Variants in PAFAH1B2 observed in about 807,000 individuals in gnomAD.
PAFAH1B2 encodes platelet-activating factor acetylhydrolase IB subunit alpha2.
Under a neutral mutation model 28.0 loss-of-function variants are expected in PAFAH1B2, and 8 were observed. That is an observed-to-expected ratio of 0.29 (90% confidence interval 0.17 to 0.52). The LOEUF (loss-of-function observed/expected upper bound fraction) is 0.52. Ranked by LOEUF, PAFAH1B2 falls within the 20% of genes least tolerant of loss-of-function variation. The pLI, the probability that PAFAH1B2 is intolerant of heterozygous loss-of-function variation, is 0.97. For missense variants in PAFAH1B2, 190 were observed against 282.6 expected, an observed-to-expected ratio of 0.67 and a Z score of 2.35; for synonymous variants, 104 against 103.2, an observed-to-expected ratio of 1.01 and a Z score of -0.05.
rs1005026483 is a variant in PAFAH1B2 at position 117,170,359 on chromosome 11, A to G, written c.*2660A>G. 10 of 1,059,754 alleles carry G rather than the reference A, an allele frequency of 9.4e-6. No homozygotes were observed. Among genetic ancestry groups the G allele is most frequent in the African/African-American group, 8.4e-5 (5 of 59,840 alleles). 65.6% of individuals were successfully genotyped at this position (1,059,754 alleles called of 1,614,324 possible). A position where few individuals can be genotyped will look rare whatever the true frequency, so the allele number is the denominator to read the frequency against. On this transcript the variant is annotated 3_prime_UTR_variant, in exon 6 of 6. Coordinates refer to ENST00000527958, the MANE Select transcript of PAFAH1B2 (RefSeq NM_002572.4). ...CGCCCACGCATTCCTGCTATACTAGATGGCAGCCAGTGATGGAACTATAAA... is the reference window on the plus strand; with the variant it reads ...CGCCCACGCATTCCTGCTATACTAGGTGGCAGCCAGTGATGGAACTATAAA...
intron 5 of PAFAH1B2, among the ~76,000 whole-genome samples, chr11:117,166,778 G>C (rs1248255644): frequency 6.6e-6 from 1 of 152,176 alleles, no homozygotes; most frequent in Non-Finnish European, 1.5e-5. Flanking sequence ...AATAGATGAT[G>C]TGTATCTATG....
At chr11:117,149,179 A>C (rs1365612858) in intron 1 of PAFAH1B2, among the ~76,000 whole-genome samples, 2 of 150,820 alleles carry the variant, frequency 1.3e-5, no homozygotes, top group Non-Finnish European at 3.0e-5. Context: ...CACTGCGCCC[A>C]GCCCAAGCAA....
downstream of PAFAH1B2, among the ~76,000 whole-genome samples, chr11:117,177,069 G>C (rs572376266): frequency 6.6e-6 from 1 of 151,590 alleles, no homozygotes; most frequent in African/African-American, 2.4e-5. Context: ...TTAGCTGGGC[G>C]TGGTGGCACA....
Position 117,168,228 on chromosome 11 carries a change from T to C in PAFAH1B2, c.*529T>C, listed in dbSNP as rs562551953. 66 of 1,060,066 alleles carry C rather than the reference T, an allele frequency of 6.2e-5. No individual in the cohort carries two copies. The East Asian group carries it at 2.1e-3, about 34-fold the overall frequency. The allele number at this position is 1,060,066 out of a possible 1,614,324, so 65.7% of individuals were successfully genotyped here. A position where few individuals can be genotyped will look rare whatever the true frequency, so the allele number is the denominator to read the frequency against. On this transcript the variant is annotated 3_prime_UTR_variant, in exon 6 of 6. Coordinates refer to ENST00000527958, the MANE Select transcript of PAFAH1B2 (RefSeq NM_002572.4). ...AGGTTGAACATGCTTGTCATTGATA[T>C]ATGGAAGATGCTATAGTTAGAAGTG...
intron 5 of PAFAH1B2, among the ~76,000 whole-genome samples, chr11:117,167,013 G>T (rs1348715919): frequency 6.6e-6 from 1 of 152,234 alleles, no homozygotes; most frequent in Non-Finnish European, 1.5e-5. Flanking sequence ...TGTGAGACTT[G>T]CAGATGTTGG....
intron 5 of PAFAH1B2, among the ~76,000 whole-genome samples, chr11:117,164,640 T>C (rs945288642): frequency 6.6e-6 from 1 of 152,244 alleles, no homozygotes; most frequent in African/African-American, 2.4e-5. Flanking sequence ...AAATGGATAC[T>C]TTATAGTTGT....
At chr11:117,147,006 C>A (rs771665125) in intron 1 of PAFAH1B2, among the ~76,000 whole-genome samples, 1 of 151,560 alleles carries the variant, frequency 6.6e-6, no homozygotes, top group African/African-American at 2.4e-5. Flanking sequence ...TGGTGGCTCA[C>A]GCCTGTAATC....
intron 1 of PAFAH1B2, among the ~76,000 whole-genome samples, chr11:117,148,045 CTTT>C (rs1046335152): frequency 7.3e-6 from 1 of 136,836 alleles, no homozygotes; most frequent in African/African-American, 2.7e-5. Flanking sequence ...TATCTTTTTT[CTTT>C]TTTTTTTCTT....
In PAFAH1B2 at chr11:117,152,696, G is replaced by A. The variant is rs554908273; in HGVS notation, c.81+168G>A. The stretch of plus-strand genomic sequence containing the variant: ...GCCTCCCATATAGCTGGGACTAGTG[G>A]CACATATCAGTATGCCTGGCTTCTT... On this transcript the variant is annotated intron_variant, in intron 2 of 5. Transcript: ENST00000527958. 1.3e-4 allele frequency among the ~76,000 whole-genome samples: 20 copies of A among 152,270 alleles called. 1 individual carries two copies. In the South Asian group the frequency reaches 3.7e-3, roughly 28 times the overall value.
intron 4 of PAFAH1B2, among the ~76,000 whole-genome samples, chr11:117,162,395 C>G (rs1042042647): frequency 6.6e-6 from 1 of 151,562 alleles, no homozygotes; most frequent in Non-Finnish European, 1.5e-5. Context: ...CCTCCCGCCC[C>G]GGCCTCCTAA....
intron 1 of PAFAH1B2, among the ~76,000 whole-genome samples, chr11:117,146,182 C>T (rs1275554612): frequency 6.7e-6 from 1 of 148,724 alleles, no homozygotes; most frequent in Non-Finnish European, 1.5e-5. Context: ...AGTGCAGTGG[C>T]GCGATCTCTA....
chr11:117,174,843 G>T, downstream of PAFAH1B2: 1 of 1,237,614 alleles, frequency 8.1e-7, no homozygotes, highest in South Asian at 1.4e-5. Context: ...TCAAACTCCT[G>T]ACTTCAGATG....
chr11:117,170,296 T>G lies in PAFAH1B2; in HGVS notation c.*2597T>G, dbSNP rs1591756884. ...CAACTTTCCAGGCAGCTAGCAGAGA[T>G]ACTATTCTCTTCCTCTCCCAGCAAA... On this transcript the variant is annotated 3_prime_UTR_variant, in exon 6 of 6. Coordinates refer to ENST00000527958, the MANE Select transcript of PAFAH1B2 (RefSeq NM_002572.4). 1 of 1,062,340 alleles carries G rather than the reference T, an allele frequency of 9.4e-7. No homozygotes were observed. The highest frequency in any genetic ancestry group is 5.4e-5 in the Admixed American group (1 of 18,458). The allele number at this position is 1,062,340 out of a possible 1,614,324, so 65.8% of individuals were successfully genotyped here.
intron 2 of PAFAH1B2, among the ~76,000 whole-genome samples, chr11:117,158,323 A>G (rs1956297675): frequency 6.6e-6 from 1 of 152,070 alleles, no homozygotes; most frequent in Non-Finnish European, 1.5e-5. Context: ...GATTATGGAC[A>G]TGAGCCACCA....
downstream of PAFAH1B2, chr11:117,174,874 C>A: frequency 1.3e-6 from 2 of 1,497,650 alleles, no homozygotes; most frequent in South Asian, 2.5e-5. Context: ...CTTGGCCTCC[C>A]AAAGTGCTGG....
intron 1 of PAFAH1B2, among the ~76,000 whole-genome samples, chr11:117,151,043 T>A (rs4938347): frequency 0.73 from 110,831 of 150,878 alleles, 41,535 homozygotes; most frequent in Non-Finnish European, 0.82. Context: ...AACCCCAGAT[T>A]TTTTTCCTTT....
At chr11:117,153,055 A>C (rs1021754446) in intron 2 of PAFAH1B2, among the ~76,000 whole-genome samples, 1 of 152,172 alleles carries the variant, frequency 6.6e-6, no homozygotes, top group African/African-American at 2.4e-5. Context: ...ACAGAGCAAG[A>C]CTGCATCTCA....
intron 5 of PAFAH1B2, 65 bp downstream of exon 5, chr11:117,163,957 A>G: frequency 6.5e-7 from 1 of 1,527,780 alleles, no homozygotes; most frequent in Non-Finnish European, 9.0e-7. Context: ...CTTTTTAGAA[A>G]TGTGATTGCT....
chr11:117,160,154 A>C, intron 3 of PAFAH1B2, 131 bp downstream of exon 3: 1 of 688,998 alleles, frequency 1.5e-6, no homozygotes, highest in Admixed American at 2.2e-5. Flanking sequence ...GTTATAAGAG[A>C]ATCAAAGCTA....
Sources: gnomAD v4.1 joint callset for allele counts (sites outside exome capture counted in the v4.1 genomes callset) on GRCh38, gnomAD v4.1.1 for gene constraint, MANE v1.5 for transcripts, NCBI Gene and HGNC (gene_info 2026-07-23, HGNC 2026-07-21) for gene names.